The following PLCE1 variants were observed in gnomAD, a reference collection of about 807,000 sequenced individuals.
The protein encoded by PLCE1 is phospholipase C epsilon 1.
In PLCE1, 119 loss-of-function variants were observed where a neutral mutation model predicts 242.8. The observed-to-expected ratio is 0.49, with a 90% CI of 0.42 to 0.57. PLCE1 has a LOEUF of 0.57. Among genes scored for constraint, PLCE1 ranks in the 20% least tolerant of loss-of-function variants. The pLI, the probability that PLCE1 is intolerant of heterozygous loss-of-function variation, is 0.00. For synonymous variants in PLCE1, 945 were observed against 1,017.4 expected (o/e 0.93, Z 1.35); for missense variants, 2,441 against 2,788.8 (o/e 0.88, Z 2.81).
chr10:94,088,413 C>T (rs983142512), intron 2 of PLCE1, among the ~76,000 whole-genome samples: 3 of 152,222 alleles, frequency 2.0e-5, no homozygotes, highest in Non-Finnish European at 4.4e-5. Context: ...GTGCTGTTGA[C>T]AGACTTTTAC....
chr10:94,309,883 G>A (rs892158503), intron 27 of PLCE1, among the ~76,000 whole-genome samples: 9 of 152,154 alleles, frequency 5.9e-5, no homozygotes, highest in Non-Finnish European at 1.2e-4. Context: ...TGTTTTAATT[G>A]AGCATAGTGT....
chr10:94,250,234 G>A (rs1026130657), intron 8 of PLCE1, among the ~76,000 whole-genome samples: 1 of 151,998 alleles, frequency 6.6e-6, no homozygotes, highest in Admixed American at 6.6e-5. Flanking sequence ...AGGTGCGGTG[G>A]CTCAGAGCTG....
In PLCE1 at chr10:94,080,058, T is replaced by A. The variant is rs545800360; in HGVS notation, c.1206+47806T>A. Among the ~76,000 whole-genome samples, 3 of 152,346 alleles carry A rather than the reference T, an allele frequency of 2.0e-5. No individual in the cohort carries two copies. In the South Asian group the frequency reaches 6.2e-4, roughly 32 times the overall value. ...GTTATTTCTTGGCTTGCTAGGTTTT[T>A]ATTGTTACTTTCAGCTGTCTTTCAG... is the stretch of plus-strand genomic sequence containing the variant. On this transcript the variant is annotated intron_variant, in intron 2 of 32. Transcript: ENST00000371380.
chr10:94,285,878 T>A (rs1356558203), intron 22 of PLCE1, among the ~76,000 whole-genome samples: 2 of 152,170 alleles, frequency 1.3e-5, no homozygotes, highest in Non-Finnish European at 2.9e-5. Context: ...GATGAACCAC[T>A]TTCCAAAAAC....
At chr10:94,260,927 T>G (rs1270007354) in intron 13 of PLCE1, among the ~76,000 whole-genome samples, 1 of 152,204 alleles carries the variant, frequency 6.6e-6, no homozygotes, top group Non-Finnish European at 1.5e-5. Flanking sequence ...CAGACTTTCT[T>G]CTGTTAGTAA....
At chr10:94,014,186 T>G (rs1483164697) in intron 1 of PLCE1, among the ~76,000 whole-genome samples, 3 of 152,104 alleles carry the variant, frequency 2.0e-5, no homozygotes, top group Non-Finnish European at 4.4e-5. Flanking sequence ...AACTTCACTT[T>G]CCTCTGGGTC....
intron 24 of PLCE1, among the ~76,000 whole-genome samples, chr10:94,303,291 A>C (rs192896069): frequency 6.6e-6 from 1 of 152,342 alleles, no homozygotes; most frequent in East Asian, 1.9e-4. Flanking sequence ...AGTATTCATC[A>C]GGTGTGTCTC....
At chr10:94,270,427 T>C in intron 17 of PLCE1, 59 bp from the exon 18 acceptor site, 1 of 1,082,574 alleles carries the variant, frequency 9.2e-7, no homozygotes, top group Non-Finnish European at 1.4e-6. Flanking sequence ...ATAACTACCC[T>C]GCCTTCTGAC....
At chr10:94,121,229 C>T (rs2046288816) in intron 2 of PLCE1, 2 of 152,220 alleles carry the variant, frequency 1.3e-5, no homozygotes, top group Non-Finnish European at 2.9e-5. Context: ...CACATAAGTT[C>T]ACATGCAGGA....
In PLCE1 at chr10:94,277,683, T is replaced by C. The variant is rs186172508; in HGVS notation, c.4666-2099T>C. On this transcript the variant is annotated intron_variant, in intron 19 of 32. Coordinates refer to ENST00000371380, the MANE Select transcript of PLCE1 (RefSeq NM_016341.4). ...GTCAAGGCCCTTCTCTTATCAGCGA[T>C]AAACAGACCTGCTTTTGTGGCTCAC... Among the ~76,000 whole-genome samples, 74 of 152,304 alleles carry C rather than the reference T, an allele frequency of 4.9e-4. 1 individual carries two copies. The East Asian group carries it at 0.013, about 26-fold the overall frequency.
intron 30 of PLCE1, among the ~76,000 whole-genome samples, chr10:94,323,601 G>A (rs1230552536): frequency 1.3e-5 from 2 of 152,216 alleles, no homozygotes; most frequent in Non-Finnish European, 1.5e-5. Flanking sequence ...TACTTTCCTT[G>A]AAGGTTAAGT....
intron 3 of PLCE1, among the ~76,000 whole-genome samples, chr10:94,142,874 C>T (rs370708260): frequency 1.3e-5 from 2 of 152,322 alleles, no homozygotes; most frequent in South Asian, 2.1e-4. Flanking sequence ...CCTTAGTTCC[C>T]ATGCATTAGG....
At chr10:94,302,939 T>C (rs2053087322) in intron 24 of PLCE1, among the ~76,000 whole-genome samples, 1 of 152,202 alleles carries the variant, frequency 6.6e-6, no homozygotes, top group African/African-American at 2.4e-5. Context: ...CCTCACCATG[T>C]CTGTGTTCCT....
At chr10:94,142,566 A>G (rs961992114) in intron 3 of PLCE1, among the ~76,000 whole-genome samples, 1 of 152,224 alleles carries the variant, frequency 6.6e-6, no homozygotes, top group African/African-American at 2.4e-5. Flanking sequence ...TTGGCATAGT[A>G]TCTGGTACCT....
chr10:94,041,814 T>C (rs541601848), intron 2 of PLCE1, among the ~76,000 whole-genome samples: 20 of 152,080 alleles, frequency 1.3e-4, no homozygotes, highest in Non-Finnish European at 2.8e-4. Context: ...AAGGTGTTTG[T>C]CTAGTTCCTT....
chr10:94,054,972 A>G (rs1189843991), intron 2 of PLCE1, among the ~76,000 whole-genome samples: 1 of 148,460 alleles, frequency 6.7e-6, no homozygotes, highest in Non-Finnish European at 1.5e-5. Context: ...AGATCGGGCC[A>G]CTGCACTCCA....
At chr10:94,174,460 C>G (rs1261719003) in intron 4 of PLCE1, among the ~76,000 whole-genome samples, 1 of 152,100 alleles carries the variant, frequency 6.6e-6, no homozygotes, top group Non-Finnish European at 1.5e-5. Flanking sequence ...AGAAATAGGA[C>G]ATTTGCAAAT....
intron 2 of PLCE1, among the ~76,000 whole-genome samples, chr10:94,071,278 TC>T (rs2044344208): frequency 6.6e-6 from 1 of 152,072 alleles, no homozygotes; most frequent in South Asian, 2.1e-4. Flanking sequence ...AATAGTTTCC[TC>T]CAAACCAGAG....
chr10:94,168,124 G>A (rs2047865527), intron 3 of PLCE1, among the ~76,000 whole-genome samples: 1 of 152,176 alleles, frequency 6.6e-6, no homozygotes, highest in Admixed American at 6.5e-5. Flanking sequence ...TGGATCATGA[G>A]GAAGGACCAG....
Sources: allele counts gnomAD v4.1 joint callset (sites outside exome capture counted in the v4.1 genomes callset), GRCh38; gene constraint gnomAD v4.1.1; transcripts MANE v1.5; gene names NCBI Gene and HGNC (gene_info 2026-07-23, HGNC 2026-07-21).